SORCS3: variants seen among roughly 807,000 people sequenced by gnomAD.
SORCS3 encodes sortilin related VPS10 domain containing receptor 3.
In SORCS3, 57 loss-of-function variants were observed where a neutral mutation model predicts 146.3. The ratio of observed to expected loss-of-function variants is 0.39; its 90% CI spans 0.31 to 0.49. The LOEUF (loss-of-function observed/expected upper bound fraction) is 0.49. SORCS3 is among the 20% of genes least tolerant of loss of function. The pLI is 0.92. For synonymous variants in SORCS3, 653 were observed against 618.5 expected, an observed-to-expected ratio of 1.06 and a Z score of -0.83; for missense variants, 1,341 against 1,575.5, an observed-to-expected ratio of 0.85 and a Z score of 2.52.
intron 1 of SORCS3, among the ~76,000 whole-genome samples, chr10:104,834,342 C>G (rs1285411058): frequency 6.6e-6 from 1 of 152,108 alleles, no homozygotes; most frequent in Non-Finnish European, 1.5e-5. Flanking sequence ...CCCAATATCT[C>G]CCTCACCTCC....
intron 3 of SORCS3, among the ~76,000 whole-genome samples, chr10:104,931,285 A>G (rs918581081): frequency 6.6e-6 from 1 of 152,208 alleles, no homozygotes; most frequent in Non-Finnish European, 1.5e-5. Context: ...ACACAGAAAG[A>G]CACTGCACAA....
chr10:105,036,999 A>T (rs1357010425), intron 4 of SORCS3, among the ~76,000 whole-genome samples: 1 of 152,148 alleles, frequency 6.6e-6, no homozygotes, highest in Admixed American at 6.5e-5. Flanking sequence ...TACCGGGGAG[A>T]TACCTTGGCT....
At chr10:104,995,242 CTT>C (rs1398309553) in intron 4 of SORCS3, among the ~76,000 whole-genome samples, 1 of 148,286 alleles carries the variant, frequency 6.7e-6, no homozygotes, top group Non-Finnish European at 1.5e-5. Flanking sequence ...TTACTGAAAA[CTT>C]TGCCTCCCGG....
At chr10:105,229,659 G>A (rs544630321) in intron 20 of SORCS3, among the ~76,000 whole-genome samples, 1 of 152,328 alleles carries the variant, frequency 6.6e-6, no homozygotes, top group Admixed American at 6.5e-5. Flanking sequence ...TGCTGGATTG[G>A]AGGCAGTTAT....
At chr10:105,222,044 C>CTTTTTTTTTTT (rs34795700) in intron 19 of SORCS3, among the ~76,000 whole-genome samples, 1 of 76,492 alleles carries the variant, frequency 1.3e-5, no homozygotes, top group Non-Finnish European at 2.4e-5. Context: ...TACCTTAACA[C>CTTTTTTTTTTT]TTTTTTTTTT....
intron 2 of SORCS3, among the ~76,000 whole-genome samples, chr10:104,877,058 C>T (rs951875205): frequency 8.6e-5 from 13 of 151,968 alleles, no homozygotes; most frequent in African/African-American, 3.1e-4. Flanking sequence ...CCTATATTGC[C>T]CAGGTTGGTC....
At chr10:105,178,926 C>T (rs2119562324) in intron 14 of SORCS3, among the ~76,000 whole-genome samples, 1 of 152,314 alleles carries the variant, frequency 6.6e-6, no homozygotes, top group South Asian at 2.1e-4. Context: ...TCACAGCGTG[C>T]ATCTGTGCTG....
chr10:104,993,756 T>C (rs73334023), intron 4 of SORCS3, among the ~76,000 whole-genome samples: 11,704 of 152,178 alleles, frequency 0.077, 507 homozygotes, highest in African/African-American at 0.11. Context: ...TGCACAATGT[T>C]TTTCCCTTTT....
intron 1 of SORCS3, among the ~76,000 whole-genome samples, chr10:104,776,271 C>T (rs376116243): frequency 4.1e-4 from 63 of 152,176 alleles, no homozygotes; most frequent in African/African-American, 1.5e-3. Context: ...AAGCTCTGAG[C>T]TATTTACTAA....
At position 104,956,612 on chromosome 10, in the gene SORCS3, A is replaced by T. The variant is rs183762239; in HGVS notation, c.796-20723A>T. Among the ~76,000 whole-genome samples, 138 of 148,914 alleles carry T rather than the reference A, an allele frequency of 9.3e-4. No individual in the cohort carries two copies. In the South Asian group the frequency reaches 9.7e-3, roughly 11 times the overall value. On this transcript the variant is annotated intron_variant, in intron 3 of 26. Coordinates refer to ENST00000369701, the MANE Select transcript of SORCS3 (RefSeq NM_014978.3). ...TGGTGGAAGTGATTTTTTTTTTTTA[A>T]ATTTTACAGTTGAGTAGAACTGAAG...
intron 1 of SORCS3, among the ~76,000 whole-genome samples, chr10:104,773,179 G>A (rs1416515065): frequency 6.6e-6 from 1 of 152,212 alleles, no homozygotes; most frequent in Admixed American, 6.5e-5. Context: ...AGAGGTGACA[G>A]TCATGCAGCA....
At chr10:104,695,131 G>A (rs1487793724) in intron 1 of SORCS3, among the ~76,000 whole-genome samples, 1 of 152,088 alleles carries the variant, frequency 6.6e-6, no homozygotes, top group African/African-American at 2.4e-5. Context: ...TTGTGTAATG[G>A]AATTTTATTG....
At position 105,216,930 on chromosome 10, in the gene SORCS3, T is replaced by G. The variant is rs767619160; in HGVS notation, c.2548-6T>G. The stretch of plus-strand genomic sequence containing the variant: ...AAATTGACCCGTCTGCTATGCCATC[T>G]TGCAGGGTGATCTACAAAGGACAAA... On this transcript the variant is annotated splice_polypyrimidine_tract_variant and splice_region_variant and intron_variant, in intron 18 of 26. Coordinates refer to ENST00000369701, the MANE Select transcript of SORCS3 (RefSeq NM_014978.3). The G allele has an allele frequency of 1.9e-6, 3 of 1,614,118 alleles. No individual in the cohort carries two copies. Among genetic ancestry groups the G allele is most frequent in the South Asian group, 1.1e-5 (1 of 91,074 alleles).
At chr10:105,042,946 A>G (rs970883754) in intron 4 of SORCS3, 109 bp from the exon 5 acceptor site, 16 of 834,812 alleles carry the variant, frequency 1.9e-5, no homozygotes, top group African/African-American at 3.4e-5. Flanking sequence ...ATAAATGCCT[A>G]CTTGGGTGTG....
At chr10:104,903,988 G>A (rs2018878632) in intron 2 of SORCS3, among the ~76,000 whole-genome samples, 1 of 152,116 alleles carries the variant, frequency 6.6e-6, no homozygotes, top group Admixed American at 6.5e-5. Context: ...ACATGTAACA[G>A]GGTTATTGTT....
At chr10:105,033,272 C>G (rs1219950932) in intron 4 of SORCS3, among the ~76,000 whole-genome samples, 1 of 152,116 alleles carries the variant, frequency 6.6e-6, no homozygotes, top group African/African-American at 2.4e-5. Context: ...GTTTTTCTTT[C>G]AACAGCAAGA....
At chr10:104,681,413 C>CT (rs2015973505) in intron 1 of SORCS3, among the ~76,000 whole-genome samples, 1 of 152,142 alleles carries the variant, frequency 6.6e-6, no homozygotes, top group African/African-American at 2.4e-5. Context: ...CCAGGCTCGT[C>CT]TTTTTGCGTC....
At chr10:104,878,094 T>C (rs968037304) in intron 2 of SORCS3, among the ~76,000 whole-genome samples, 3 of 152,174 alleles carry the variant, frequency 2.0e-5, no homozygotes, top group African/African-American at 7.2e-5. Flanking sequence ...GAAATTCTTT[T>C]TTTTTTCCAT....
intron 3 of SORCS3, among the ~76,000 whole-genome samples, chr10:104,918,041 T>C (rs980395200): frequency 2.0e-5 from 3 of 152,240 alleles, no homozygotes; most frequent in African/African-American, 7.2e-5. Flanking sequence ...TTTTTAATTT[T>C]TGAGGAACTC....
Sources: gnomAD v4.1 joint callset for allele counts (sites outside exome capture counted in the v4.1 genomes callset) on GRCh38, gnomAD v4.1.1 for gene constraint, MANE v1.5 for transcripts, NCBI Gene and HGNC (gene_info 2026-07-23, HGNC 2026-07-21) for gene names.